The following SLC26A5 variants were observed in gnomAD, a reference collection of about 807,000 sequenced individuals.
SLC26A5 encodes the protein solute carrier family 26 member 5, also known as prestin.
A neutral mutation model predicts 81.0 loss-of-function variants in SLC26A5; 51 were observed. The ratio of observed to expected loss-of-function variants is 0.63; its 90% CI spans 0.50 to 0.80. SLC26A5 has a LOEUF of 0.80. SLC26A5 is among the 30% of genes least tolerant of loss of function. The pLI, the probability that SLC26A5 is intolerant of heterozygous loss-of-function variation, is 0.00. For synonymous variants in SLC26A5, 325 were observed against 332.8 expected (o/e 0.98, Z 0.25); for missense variants, 771 against 905.8 (o/e 0.85, Z 1.91).
chr7:103,380,427 G>T, intron 15 of SLC26A5, 53 bp downstream of exon 15: 3 of 1,455,220 alleles, frequency 2.1e-6, no homozygotes, highest in Non-Finnish European at 2.9e-6. Context: ...ACAGTACTTA[G>T]CCAAGCACAT....
At chr7:103,405,345 G>C (rs1823956867) in intron 8 of SLC26A5, among the ~76,000 whole-genome samples, 1 of 152,098 alleles carries the variant, frequency 6.6e-6, no homozygotes, top group Non-Finnish European at 1.5e-5. Flanking sequence ...CTTTGCTCTT[G>C]GTGACCTTCG....
chr7:103,365,831 G>C (rs1563496735), intron 19 of SLC26A5, among the ~76,000 whole-genome samples: 1 of 152,106 alleles, frequency 6.6e-6, no homozygotes, highest in Non-Finnish European at 1.5e-5. Flanking sequence ...GGGAGGCTGA[G>C]GTAGGGGAAT....
chr7:103,372,834 C>A, downstream of SLC26A5, among the ~76,000 whole-genome samples: 1 of 145,170 alleles, frequency 6.9e-6, no homozygotes, highest in Admixed American at 6.9e-5. Context: ...CCCATTAAAA[C>A]TATAAAAATT....
intron 9 of SLC26A5, 28 bp downstream of exon 9, chr7:103,397,902 TCA>T (rs1393266922): frequency 2.7e-6 from 4 of 1,492,390 alleles, no homozygotes; most frequent in Admixed American, 1.7e-5. Context: ...ATTATTTCAG[TCA>T]CACAGTTACT....
chr7:103,366,305 A>G (rs1820715854), intron 19 of SLC26A5: 1 of 694,150 alleles, frequency 1.4e-6, no homozygotes, highest in Non-Finnish European at 2.4e-6. Flanking sequence ...CACAGATCTA[A>G]TAAGTAGTAG....
Position 103,377,812 on chromosome 7 carries a change from T to A in SLC26A5, c.1786-13A>T. 2.5e-6 allele frequency: 4 copies of A among 1,613,032 alleles called. No individual in the cohort carries two copies. Among genetic ancestry groups the A allele is most frequent in the Non-Finnish European group, 3.4e-6 (4 of 1,179,760 alleles). The stretch of plus-strand genomic sequence containing the variant: ...CTACTTCTGCATCCTGTGTCAAAAA[T>A]TAAACCAAACCAGAATTTTATGAAC... On this transcript the variant is annotated splice_polypyrimidine_tract_variant and intron_variant, in intron 17 of 19. Transcript: ENST00000306312.
intron 6 of SLC26A5, 88 bp from the exon 7 acceptor site, chr7:103,410,637 G>A (rs1586318247): frequency 3.1e-6 from 4 of 1,289,576 alleles, no homozygotes; most frequent in African/African-American, 1.5e-5. Context: ...GTTCTTTCTT[G>A]ACCATTTTCT....
intron 4 of SLC26A5, among the ~76,000 whole-genome samples, chr7:103,413,761 C>G (rs918920372): frequency 6.6e-6 from 1 of 152,152 alleles, no homozygotes; most frequent in Admixed American, 6.5e-5. Flanking sequence ...CCTCACTCTG[C>G]GGTCCTAGGC....
chr7:103,383,144 T>C (rs1007224046), intron 14 of SLC26A5, among the ~76,000 whole-genome samples: 3 of 152,172 alleles, frequency 2.0e-5, no homozygotes, highest in African/African-American at 7.2e-5. Flanking sequence ...CTCTGAGGAC[T>C]GATTGTAGAT....
At chr7:103,402,993 T>G (rs1456604110) in intron 8 of SLC26A5, among the ~76,000 whole-genome samples, 1 of 152,232 alleles carries the variant, frequency 6.6e-6, no homozygotes, top group East Asian at 1.9e-4. Context: ...ATTTTCCCAC[T>G]TTCTCCTGTG....
chr7:103,435,946 T>C (rs1192651073), intron 2 of SLC26A5, among the ~76,000 whole-genome samples: 3 of 152,198 alleles, frequency 2.0e-5, no homozygotes, highest in South Asian at 2.1e-4. Flanking sequence ...CTTGTTATTA[T>C]TGACCATTTT....
In SLC26A5 at chr7:103,392,647, G is replaced by A. The variant is rs189027091; in HGVS notation, c.1119+272C>T. ...GGCTGGAGTGCAGCGGCGCGACCTC[G>A]GCTCACTGCAAGCTCCGCCTCCTGG... On this transcript the variant is annotated intron_variant, in intron 10 of 19. Coordinates refer to ENST00000306312, the MANE Select transcript of SLC26A5 (RefSeq NM_198999.3). Among the ~76,000 whole-genome samples, 1,148 of 152,196 alleles carry A rather than the reference G, an allele frequency of 7.5e-3. 15 individuals carry two copies. The highest frequency in any genetic ancestry group is 0.026 in the African/African-American group (1,098 of 41,512).
chr7:103,369,151 A>G lies in SLC26A5; in HGVS notation c.2041+7657T>C, dbSNP rs536382074. ...GCTTTGCACTGAAATACTTAAAATT[A>G]TGAAAGTTTTCAAGTAAAGAAATTA... On this transcript the variant is annotated intron_variant, in intron 19 of 19. Coordinates refer to the SLC26A5 transcript ENST00000339444. 9.8e-5 allele frequency: 15 copies of G among 152,360 alleles called. No homozygotes were observed. The South Asian group carries it at 2.7e-3, about 27-fold the overall frequency. 9.4% of individuals were successfully genotyped at this position (152,360 alleles called of 1,614,324 possible). A position where few individuals can be genotyped will look rare whatever the true frequency, so the allele number is the denominator to read the frequency against.
chr7:103,416,587 T>C (rs887309291), intron 4 of SLC26A5, among the ~76,000 whole-genome samples: 1 of 152,202 alleles, frequency 6.6e-6, no homozygotes, highest in Non-Finnish European at 1.5e-5. Context: ...GCTTTTAGCC[T>C]TTTGCCTGAC....
At chr7:103,382,559 A>G (rs1057479204) in intron 14 of SLC26A5, among the ~76,000 whole-genome samples, 14 of 151,906 alleles carry the variant, frequency 9.2e-5, no homozygotes, top group African/African-American at 3.4e-4. Flanking sequence ...CATGTTGGCC[A>G]GGCTGGTCTC....
chr7:103,391,708 A>T lies in SLC26A5; in HGVS notation c.1147T>A (p.Ser383Thr). ...QELIALGLCN[S>T]IGSLFQTFSI... ...AAGGTCTGGAAGAGTGAGCCAATGG[A>T]ATTGCACAGTCCCAGGGCAATGAGC... Residue 383 changes from serine (S) to threonine (T), a missense_variant, in exon 11 of 20, where the codon TCC becomes ACC. Physicochemically the swap from Ser to Thr is moderately conservative, Grantham distance 58. Coordinates refer to ENST00000306312, the MANE Select transcript of SLC26A5 (RefSeq NM_198999.3). 1 of 1,614,126 alleles carries T rather than the reference A, an allele frequency of 6.2e-7. No individual in the cohort carries two copies. The highest frequency in any genetic ancestry group is 8.5e-7 in the Non-Finnish European group (1 of 1,180,010).
intron 8 of SLC26A5, among the ~76,000 whole-genome samples, chr7:103,402,543 G>A (rs1214455891): frequency 6.6e-6 from 1 of 151,950 alleles, no homozygotes; most frequent in Non-Finnish European, 1.5e-5. Flanking sequence ...GGGACTACAG[G>A]CATGTGCCAC....
At chr7:103,357,241 G>A (rs1220344455) in intron 19 of SLC26A5, among the ~76,000 whole-genome samples, 2 of 151,298 alleles carry the variant, frequency 1.3e-5, no homozygotes, top group South Asian at 2.1e-4. Context: ...CAGGAGAATC[G>A]CTTGAACCTG....
intron 19 of SLC26A5, among the ~76,000 whole-genome samples, chr7:103,353,671 T>C (rs2116139899): frequency 6.6e-6 from 1 of 152,368 alleles, no homozygotes; most frequent in East Asian, 1.9e-4. Flanking sequence ...ATGTGTTTTA[T>C]GTATGTACTA....
Sources: gnomAD v4.1 joint callset for allele counts (sites outside exome capture counted in the v4.1 genomes callset) on GRCh38, gnomAD v4.1.1 for gene constraint, MANE v1.5 for transcripts, NCBI Gene and HGNC (gene_info 2026-07-23, HGNC 2026-07-21) for gene names.